Variants in ADRA1B observed in about 807,000 individuals in gnomAD.
ADRA1B encodes the protein alpha-1B adrenergic receptor.
ADRA1B carries 17 observed loss-of-function variants against 17.9 expected under a neutral mutation model. The observed-to-expected ratio is 0.95, with a 90% CI of 0.65 to 1.42. ADRA1B has a LOEUF of 1.42. Ranked by LOEUF, ADRA1B falls within the 40% of genes most tolerant of loss-of-function variation. The pLI is 0.00. For synonymous variants in ADRA1B, 366 were observed against 327.6 expected (o/e 1.12, Z -1.27); for missense variants, 681 against 722.1 (o/e 0.94, Z 0.65).
chr5:159,897,483 C>CT (rs1202663539), intron 1 of ADRA1B, among the ~76,000 whole-genome samples: 1 of 148,984 alleles, frequency 6.7e-6, no homozygotes, highest in Non-Finnish European at 1.5e-5. Flanking sequence ...GAGACTCCAT[C>CT]TAAAAAAAAA....
intron 1 of ADRA1B, among the ~76,000 whole-genome samples, chr5:159,926,231 G>A: frequency 6.6e-6 from 1 of 152,052 alleles, no homozygotes; most frequent in East Asian, 1.9e-4. Context: ...TGAATATCCA[G>A]TTCCTGCTCG....
chr5:159,951,394 G>T, intron 1 of ADRA1B: 1 of 860,700 alleles, frequency 1.2e-6, no homozygotes, highest in South Asian at 1.3e-5. Context: ...TCAATGAAGG[G>T]TCATTAATGG....
intron 1 of ADRA1B, among the ~76,000 whole-genome samples, chr5:159,957,030 G>A (rs893889414): frequency 1.3e-4 from 20 of 151,914 alleles, no homozygotes; most frequent in African/African-American, 4.3e-4. Flanking sequence ...GCACCACCAC[G>A]CCCAGGTAAT....
At chr5:159,919,730 G>A (rs533430242) in intron 1 of ADRA1B, among the ~76,000 whole-genome samples, 1 of 152,350 alleles carries the variant, frequency 6.6e-6, no homozygotes, top group Non-Finnish European at 1.5e-5. Flanking sequence ...AGCCTGCAGA[G>A]GCTGTGACCA....
chr5:159,885,784 A>C (rs1169824714), intron 1 of ADRA1B, among the ~76,000 whole-genome samples: 1 of 152,356 alleles, frequency 6.6e-6, no homozygotes, highest in South Asian at 2.1e-4. Flanking sequence ...AGCTGCAACG[A>C]AAAACATCCC....
intron 1 of ADRA1B, among the ~76,000 whole-genome samples, chr5:159,910,458 A>C (rs1016272307): frequency 1.3e-5 from 2 of 152,230 alleles, no homozygotes; most frequent in Non-Finnish European, 2.9e-5. Flanking sequence ...GCTCTACCTC[A>C]GACAAATTTC....
chr5:159,897,467 C>T (rs1260281009), intron 1 of ADRA1B, among the ~76,000 whole-genome samples: 3 of 151,322 alleles, frequency 2.0e-5, no homozygotes, highest in African/African-American at 7.3e-5. Flanking sequence ...GCCTGGGTGA[C>T]AGAGTGAGAC....
intron 1 of ADRA1B, among the ~76,000 whole-genome samples, chr5:159,876,239 A>T (rs1356362861): frequency 6.6e-6 from 1 of 152,200 alleles, no homozygotes; most frequent in Non-Finnish European, 1.5e-5. Flanking sequence ...CATTTTAAAA[A>T]AGTCTACAAG....
chr5:159,972,195 C>A lies in ADRA1B; in HGVS notation c.1266C>A (p.Pro422=). Residue 422 remains proline (P), a synonymous_variant, in exon 2 of 2, where the codon CCC becomes CCA. Transcript: ENST00000306675. ...SCLSGSQRTL[P]SASPSPGYLG... is the part of the protein sequence containing the mutation. ...TGAGCGGCAGCCAGCGGACCCTGCC[C>A]TCGGCCTCGCCGAGCCCGGGCTACC... 1 of 1,365,046 alleles carries A rather than the reference C, an allele frequency of 7.3e-7. No individual in the cohort carries two copies. The highest frequency in any genetic ancestry group is 9.5e-7 in the Non-Finnish European group (1 of 1,053,622). The allele number at this position is 1,365,046 out of a possible 1,614,324, so 84.6% of individuals were successfully genotyped here. A position where few individuals can be genotyped will look rare whatever the true frequency, so the allele number is the denominator to read the frequency against.
In ADRA1B at chr5:159,879,226, G is replaced by A. The variant is rs527968228; in HGVS notation, c.-256+14020G>A. Among the ~76,000 whole-genome samples the A allele has an allele frequency of 9.6e-4, 146 of 152,258 alleles. 1 individual carries two copies. Among genetic ancestry groups the A allele is most frequent in the African/African-American group, 3.2e-3 (132 of 41,554 alleles). The stretch of plus-strand genomic sequence containing the variant: ...GTTGGGAGGATTTGCTCGGATTAGC[G>A]TAGAGATTGTCTGTTCACCGGGGAA... On this transcript the variant is annotated intron_variant, in intron 1 of 2. Coordinates refer to the ADRA1B transcript ENST00000641205.
At chr5:159,874,227 G>C (rs1753779434) in intron 1 of ADRA1B, among the ~76,000 whole-genome samples, 1 of 152,084 alleles carries the variant, frequency 6.6e-6, no homozygotes, top group Admixed American at 6.5e-5. Context: ...AGCTTGGTGG[G>C]GCTTCCAAAA....
Position 159,971,883 on chromosome 5 carries a change from CT to C in ADRA1B, c.956del (p.Leu319CysfsTer5). 1 of 614,290 alleles carries C rather than the reference CT, an allele frequency of 1.6e-6. No homozygotes were observed. The allele number at this position is 614,290 out of a possible 1,614,324, so 38.1% of individuals were successfully genotyped here. A position where few individuals can be genotyped will look rare whatever the true frequency, so the allele number is the denominator to read the frequency against. Reference sequence around the variant, plus strand: ...CCACCCCCCTCCCCACTGCAGGCTCCTTGTTCTCCACCCTGAAGCCCCCCGA... The same window carrying C: ...CCACCCCCCTCCCCACTGCAGGCTCCTGTTCTCCACCCTGAAGCCCCCCGA... ...PFFIALPLGS[L>X]FSTLKPPDAV... On this transcript the variant is annotated frameshift_variant, in exon 2 of 2. Transcript: ENST00000306675. LOFTEE classifies it low-confidence loss of function (END_TRUNC).
At chr5:159,985,785 AC>A in the ADRA1B span, among the ~76,000 whole-genome samples, 3 of 152,198 alleles carry the variant, frequency 2.0e-5, no homozygotes, top group East Asian at 5.8e-4. Flanking sequence ...TGCCTCTGGG[AC>A]CTGGTGACAA....
chr5:159,922,782 A>T (rs535475544), intron 1 of ADRA1B, among the ~76,000 whole-genome samples: 3 of 152,372 alleles, frequency 2.0e-5, no homozygotes, highest in African/African-American at 7.2e-5. Context: ...TTCAGTGGGT[A>T]CTGTGTCCAG....
At chr5:159,987,138 C>G in the ADRA1B span, among the ~76,000 whole-genome samples, 19 of 152,208 alleles carry the variant, frequency 1.2e-4, no homozygotes, top group Non-Finnish European at 2.2e-4. Flanking sequence ...AGAAGCTGGA[C>G]GAGCCCGGTT....
chr5:159,985,038 C>T, the ADRA1B span, among the ~76,000 whole-genome samples: 33,735 of 151,980 alleles, frequency 0.22, 4,731 homozygotes, highest in African/African-American at 0.4. Context: ...CCTCCTCTTC[C>T]GACACTACCC....
At chr5:159,978,264 A>T in the ADRA1B span, among the ~76,000 whole-genome samples, 2 of 152,178 alleles carry the variant, frequency 1.3e-5, no homozygotes, top group Non-Finnish European at 2.9e-5. Context: ...GAGTGAATAA[A>T]TGTGTACTAC....
intron 1 of ADRA1B, chr5:159,870,243 A>G (rs751705676): frequency 1.3e-5 from 2 of 152,166 alleles, no homozygotes; most frequent in Non-Finnish European, 2.9e-5. Context: ...TGTACCAGTG[A>G]TTTAGAGGAG....
chr5:159,898,940 T>C (rs541814504), intron 1 of ADRA1B, among the ~76,000 whole-genome samples: 2 of 152,184 alleles, frequency 1.3e-5, no homozygotes, highest in East Asian at 3.9e-4. Flanking sequence ...GCCTAGAAAT[T>C]GAAGACCTGC....
Sources: gnomAD v4.1 joint callset for allele counts (sites outside exome capture counted in the v4.1 genomes callset) on GRCh38, gnomAD v4.1.1 for gene constraint, MANE v1.5 for transcripts, NCBI Gene and HGNC (gene_info 2026-07-23, HGNC 2026-07-21) for gene names.